Variants in ATCAY observed in about 807,000 individuals in gnomAD.
ATCAY encodes caytaxin.
Under a neutral mutation model 47.7 loss-of-function variants are expected in ATCAY, and 22 were observed. The ratio of observed to expected loss-of-function variants is 0.46; its 90% CI spans 0.33 to 0.66. The LOEUF (loss-of-function observed/expected upper bound fraction) is 0.66, where lower values mean the gene tolerates loss of function less well. Ranked by LOEUF, ATCAY falls within the 30% of genes least tolerant of loss-of-function variation. ATCAY has a pLI of 0.02. For missense variants in ATCAY, 452 were observed against 515.0 expected (o/e 0.88, Z 1.18); for synonymous variants, 216 against 207.6 (o/e 1.04, Z -0.35).
At chr19:3,900,503 CCT>C (rs1311670766) in intron 2 of ATCAY, among the ~76,000 whole-genome samples, 2 of 151,928 alleles carry the variant, frequency 1.3e-5, no homozygotes, top group Non-Finnish European at 2.9e-5. Flanking sequence ...TGGCAGTCTC[CCT>C]GTCTTTCTTG....
Position 3,894,719 on chromosome 19 carries a change from CAGG to C in ATCAY, c.78-7765_78-7763del, listed in dbSNP as rs1026599003. ...ATCCCATCACTTTAGGAAGCTGAGG[CAGG>C]AGAATTGCTTGAAATGTGAAGTTCA... On this transcript the variant is annotated intron_variant, in intron 2 of 12. Transcript: ENST00000450849. Among the ~76,000 whole-genome samples, 116 of 150,870 alleles carry C rather than the reference CAGG, an allele frequency of 7.7e-4. 1 individual carries two copies. Among genetic ancestry groups the C allele is most frequent in the African/African-American group, 2.6e-3 (109 of 41,178 alleles).
At chr19:3,895,060 G>T (rs1486127621) in intron 2 of ATCAY, 3 of 438,308 alleles carry the variant, frequency 6.8e-6, no homozygotes, top group African/African-American at 6.2e-5. Flanking sequence ...TTTCTTTGCC[G>T]TAAGCATCAC....
chr19:3,886,650 G>A (rs1241660897), intron 2 of ATCAY, among the ~76,000 whole-genome samples: 1 of 151,240 alleles, frequency 6.6e-6, no homozygotes. Context: ...CAGCTACTCG[G>A]GAGGCTGAGG....
At chr19:3,884,874 A>G (rs547702958) in intron 1 of ATCAY, among the ~76,000 whole-genome samples, 1 of 152,028 alleles carries the variant, frequency 6.6e-6, no homozygotes, top group South Asian at 2.1e-4. Context: ...AGGCAGGAGG[A>G]TTGCTTGAGC....
chr19:3,908,486 G>A (rs2038886447), intron 6 of ATCAY, 116 bp downstream of exon 6: 1 of 974,576 alleles, frequency 1.0e-6, no homozygotes, highest in Non-Finnish European at 1.6e-6. Flanking sequence ...TGGCACCAGG[G>A]AAGGGCGTGG....
At chr19:3,890,982 G>A (rs1273022570) in intron 2 of ATCAY, among the ~76,000 whole-genome samples, 1 of 151,790 alleles carries the variant, frequency 6.6e-6, no homozygotes, top group Non-Finnish European at 1.5e-5. Flanking sequence ...CCTGGGGACT[G>A]CAGAAGTGGT....
At chr19:3,921,586 C>T (rs1249235593) in intron 12 of ATCAY, among the ~76,000 whole-genome samples, 1 of 151,780 alleles carries the variant, frequency 6.6e-6, no homozygotes, top group African/African-American at 2.4e-5. Context: ...TGGTTTATTA[C>T]AGTAGAAGGG....
chr19:3,901,241 A>G (rs1252755953), intron 2 of ATCAY, among the ~76,000 whole-genome samples: 1 of 152,058 alleles, frequency 6.6e-6, no homozygotes, highest in African/African-American at 2.4e-5. Flanking sequence ...TACATAAACT[A>G]TTTCCAATTC....
chr19:3,887,733 A>G (rs12976960), intron 2 of ATCAY, among the ~76,000 whole-genome samples: 2,329 of 143,988 alleles, frequency 0.016, 31 homozygotes, highest in Non-Finnish European at 0.023. Flanking sequence ...TGATCCGCCC[A>G]CCTCGGCCTC....
chr19:3,909,456 G>C, intron 6 of ATCAY, 30 bp from the exon 7 acceptor site: 1 of 1,607,102 alleles, frequency 6.2e-7, no homozygotes. Flanking sequence ...CCTCCATGTT[G>C]GGTCCCTGCC....
chr19:3,894,437 TCGCGC>T (rs1308719060), intron 2 of ATCAY, among the ~76,000 whole-genome samples: 83 of 141,182 alleles, frequency 5.9e-4, no homozygotes, highest in Middle Eastern at 4.0e-3. Context: ...TGACCTGAGA[TCGCGC>T]CACTGCACTC....
At chr19:3,905,362 C>T in intron 3 of ATCAY, 72 bp from the exon 4 acceptor site, 1 of 1,426,960 alleles carries the variant, frequency 7.0e-7, no homozygotes, top group Admixed American at 2.2e-5. Flanking sequence ...CAGCTTCCAC[C>T]AGGTAGGAAA....
At position 3,922,087 on chromosome 19, in the gene ATCAY, C is replaced by T. The variant is rs1599149902; in HGVS notation, c.1106+1289C>T. ...TGCCAACTAGAGAAGCTGACCCAAG[C>T]CTTTCTAGCCAGGGTGTTTATAGAG... is the stretch of plus-strand genomic sequence containing the variant. On this transcript the variant is annotated intron_variant, in intron 12 of 12. Coordinates refer to ENST00000450849, the MANE Select transcript of ATCAY (RefSeq NM_033064.5). The T allele has an allele frequency of 4.9e-5, 34 of 693,058 alleles. No homozygotes were observed. The East Asian group carries it at 9.1e-4, about 19-fold the overall frequency. 42.9% of individuals were successfully genotyped at this position (693,058 alleles called of 1,614,324 possible). A position where few individuals can be genotyped will look rare whatever the true frequency, so the allele number is the denominator to read the frequency against.
intron 5 of ATCAY, 84 bp downstream of exon 5, chr19:3,908,003 G>A: frequency 1.3e-6 from 2 of 1,486,098 alleles, no homozygotes; most frequent in Non-Finnish European, 1.8e-6. Flanking sequence ...CCTCTCTGAT[G>A]CACGGGGATG....
chr19:3,913,142 C>G (rs2038936950), intron 8 of ATCAY, among the ~76,000 whole-genome samples: 1 of 151,942 alleles, frequency 6.6e-6, no homozygotes, highest in South Asian at 2.1e-4. Flanking sequence ...ACAAAATTAG[C>G]CGAGAGTGGT....
At chr19:3,883,241 G>A (rs1441887245) in intron 1 of ATCAY, among the ~76,000 whole-genome samples, 1 of 152,106 alleles carries the variant, frequency 6.6e-6, no homozygotes, top group Non-Finnish European at 1.5e-5. Context: ...GGACGTGGTG[G>A]CACGCGCCTG....
chr19:3,920,837 A>G, intron 12 of ATCAY, 39 bp downstream of exon 12: 1 of 1,611,484 alleles, frequency 6.2e-7, no homozygotes, highest in Non-Finnish European at 8.5e-7. Context: ...CTGTTTTCAA[A>G]ATGTCCTTCA....
chr19:3,883,935 C>T (rs1265668929), intron 1 of ATCAY, among the ~76,000 whole-genome samples: 2 of 152,086 alleles, frequency 1.3e-5, no homozygotes, highest in East Asian at 1.9e-4. Flanking sequence ...TCCTGGCCCC[C>T]ACCCAGACTG....
At chr19:3,913,658 G>A in intron 8 of ATCAY, 100 bp from the exon 9 acceptor site, 1 of 835,758 alleles carries the variant, frequency 1.2e-6, no homozygotes, top group Non-Finnish European at 2.0e-6. Context: ...CTGGAGTGGG[G>A]TCCTGTGGGG....
Sources: allele counts gnomAD v4.1 joint callset (sites outside exome capture counted in the v4.1 genomes callset), GRCh38; gene constraint gnomAD v4.1.1; transcripts MANE v1.5; gene names NCBI Gene and HGNC (gene_info 2026-07-23, HGNC 2026-07-21).